CDK6: variants seen among roughly 807,000 people sequenced by gnomAD.
CDK6 encodes the protein cyclin dependent kinase 6.
Under a neutral mutation model 37.1 loss-of-function variants are expected in CDK6, and 6 were observed. The observed-to-expected ratio is 0.16, with a 90% confidence interval of 0.09 to 0.32. The LOEUF is 0.32. Ranked by LOEUF, CDK6 falls within the 10% of genes least tolerant of loss-of-function variation. The pLI, the probability that CDK6 is intolerant of heterozygous loss-of-function variation, is 1.00. For synonymous variants in CDK6, 160 were observed against 161.3 expected, an observed-to-expected ratio of 0.99 and a Z score of 0.06; for missense variants, 224 against 418.9, an observed-to-expected ratio of 0.53 and a Z score of 4.06.
chr7:92,776,136 C>A (rs890107035), intron 2 of CDK6, among the ~76,000 whole-genome samples: 2 of 151,540 alleles, frequency 1.3e-5, no homozygotes, highest in South Asian at 2.1e-4. Flanking sequence ...GTTCAACTCC[C>A]GCTTATGAGT....
chr7:92,638,701 T>C (rs1796233091), intron 5 of CDK6, among the ~76,000 whole-genome samples: 1 of 152,214 alleles, frequency 6.6e-6, no homozygotes, highest in African/African-American at 2.4e-5. Context: ...GAACATCACT[T>C]ACCTACTAAA....
At chr7:92,771,665 T>C (rs117929097) in intron 3 of CDK6, among the ~76,000 whole-genome samples, 3 of 152,292 alleles carry the variant, frequency 2.0e-5, no homozygotes, top group Non-Finnish European at 2.9e-5. Flanking sequence ...CATGCCTAAT[T>C]CAATTTTGTG....
At chr7:92,636,164 C>A (rs929129003) in intron 5 of CDK6, among the ~76,000 whole-genome samples, 3 of 152,068 alleles carry the variant, frequency 2.0e-5, no homozygotes, top group Non-Finnish European at 2.9e-5. Context: ...CAATCATTCA[C>A]CCACCTCAGC....
chr7:92,612,171 C>T lies in CDK6; in HGVS notation c.*2969G>A, dbSNP rs998853460. On this transcript the variant is annotated 3_prime_UTR_variant, in exon 8 of 8. Coordinates refer to ENST00000424848, the MANE Select transcript of CDK6 (RefSeq NM_001145306.2). Reference sequence around the variant, plus strand: ...GCAACAGTTCCCAAAATGCCTGAGCCGCCAGAACCAAACATCAAACAGAAA... The same window carrying T: ...GCAACAGTTCCCAAAATGCCTGAGCTGCCAGAACCAAACATCAAACAGAAA... The T allele has an allele frequency of 1.7e-5, 4 of 233,056 alleles. 1 individual carries two copies. Among genetic ancestry groups the T allele is most frequent in the African/African-American group, 4.4e-5 (2 of 45,448 alleles). The allele number at this position is 233,056 out of a possible 1,614,324, so 14.4% of individuals were successfully genotyped here.
chr7:92,706,109 T>C (rs540807023), intron 4 of CDK6, among the ~76,000 whole-genome samples: 1 of 152,262 alleles, frequency 6.6e-6, no homozygotes, highest in African/African-American at 2.4e-5. Context: ...CATAGTACAA[T>C]GAGTCACTTA....
At chr7:92,802,811 G>A (rs1800616153) in intron 2 of CDK6, among the ~76,000 whole-genome samples, 2 of 152,182 alleles carry the variant, frequency 1.3e-5, no homozygotes, top group Non-Finnish European at 2.9e-5. Flanking sequence ...GGATAACACT[G>A]TTATGGGGAT....
chr7:92,655,969 A>T (rs1796686356), intron 5 of CDK6, among the ~76,000 whole-genome samples: 2 of 152,248 alleles, frequency 1.3e-5, no homozygotes, highest in South Asian at 4.1e-4. Flanking sequence ...TTAATTTGGC[A>T]AGCAAAACTG....
intron 5 of CDK6, among the ~76,000 whole-genome samples, chr7:92,641,500 A>C (rs901010508): frequency 1.3e-5 from 2 of 152,144 alleles, no homozygotes; most frequent in African/African-American, 4.8e-5. Flanking sequence ...ATATTTTTTG[A>C]GCATTTTCTT....
intron 4 of CDK6, among the ~76,000 whole-genome samples, chr7:92,684,024 G>T (rs1221920098): frequency 1.3e-5 from 2 of 152,186 alleles, no homozygotes; most frequent in African/African-American, 4.8e-5. Context: ...GGCTACGGAA[G>T]GAGAGAAAGG....
chr7:92,765,117 T>A (rs1380988429), intron 3 of CDK6, among the ~76,000 whole-genome samples: 1 of 152,180 alleles, frequency 6.6e-6, no homozygotes, highest in Non-Finnish European at 1.5e-5. Context: ...CAGCATACAA[T>A]TGGGATATAG....
chr7:92,830,569 A>G (rs1801449752), intron 2 of CDK6, among the ~76,000 whole-genome samples: 1 of 152,226 alleles, frequency 6.6e-6, no homozygotes. Context: ...TTGGAAAGAA[A>G]AGAATTGCTG....
chr7:92,810,476 G>A (rs966021449), intron 2 of CDK6, among the ~76,000 whole-genome samples: 2 of 152,088 alleles, frequency 1.3e-5, no homozygotes, highest in African/African-American at 4.8e-5. Context: ...CTGCAAGACG[G>A]GAATAACAAT....
Position 92,689,040 on chromosome 7 carries a change from A to AT in CDK6, c.538-17506dup, listed in dbSNP as rs1438116002. Among the ~76,000 whole-genome samples the AT allele has an allele frequency of 2.0e-5, 3 of 150,320 alleles. No individual in the cohort carries two copies. The Admixed American group carries it at 2.0e-4, about 10-fold the overall frequency. ...GAAACTCTGAATTAGTGTAGGAATT[A>AT]TTTTTTTTAAGTCAACAAACATTTG... On this transcript the variant is annotated intron_variant, in intron 4 of 7. Transcript: ENST00000424848.
intron 5 of CDK6, among the ~76,000 whole-genome samples, chr7:92,626,366 C>T (rs941192768): frequency 6.6e-6 from 1 of 151,694 alleles, no homozygotes; most frequent in Non-Finnish European, 1.5e-5. Context: ...GCAGAATCAC[C>T]GAATAGAAGT....
chr7:92,744,606 G>A (rs1018634338), intron 3 of CDK6, among the ~76,000 whole-genome samples: 14 of 152,102 alleles, frequency 9.2e-5, no homozygotes, highest in African/African-American at 3.1e-4. Context: ...TTACTCATTG[G>A]TAAATGGGAG....
chr7:92,698,745 T>A (rs549244859), intron 4 of CDK6, among the ~76,000 whole-genome samples: 1 of 152,320 alleles, frequency 6.6e-6, no homozygotes, highest in Non-Finnish European at 1.5e-5. Flanking sequence ...TCACGCACAA[T>A]CACTGGCTTC....
chr7:92,637,622 G>C (rs530332940), intron 5 of CDK6, among the ~76,000 whole-genome samples: 18 of 152,104 alleles, frequency 1.2e-4, no homozygotes, highest in Admixed American at 1.2e-3. Context: ...TACAGGAAAG[G>C]GGCTGCTTTG....
intron 2 of CDK6, among the ~76,000 whole-genome samples, chr7:92,789,790 C>T (rs1372565877): frequency 6.6e-6 from 1 of 152,118 alleles, no homozygotes; most frequent in African/African-American, 2.4e-5. Flanking sequence ...TACTATTACT[C>T]TCATTTTACA....
At chr7:92,774,625 G>T (rs1799800926) in intron 3 of CDK6, 71 bp downstream of exon 3, 1 of 1,332,396 alleles carries the variant, frequency 7.5e-7, no homozygotes, top group Non-Finnish European at 1.0e-6. Context: ...TTTTCATAAG[G>T]AAAGAAAGCC....
Sources: allele counts gnomAD v4.1 joint callset (sites outside exome capture counted in the v4.1 genomes callset), GRCh38; gene constraint gnomAD v4.1.1; transcripts MANE v1.5; gene names NCBI Gene and HGNC (gene_info 2026-07-23, HGNC 2026-07-21).